Variants in PAIP2B observed in about 807,000 individuals in gnomAD.
The protein encoded by PAIP2B is polyadenylate-binding protein-interacting protein 2B.
A neutral mutation model predicts 17.0 loss-of-function variants in PAIP2B; 13 were observed. The ratio of observed to expected loss-of-function variants is 0.76; its 90% CI spans 0.50 to 1.22. PAIP2B has a LOEUF of 1.22. Among genes scored for constraint, PAIP2B ranks in the 50% most tolerant of loss-of-function variants. The pLI, the probability that PAIP2B is intolerant of heterozygous loss-of-function variation, is 0.00. For missense variants in PAIP2B, 117 were observed against 144.5 expected (o/e 0.81, Z 0.98); for synonymous variants, 43 against 48.7 (o/e 0.88, Z 0.48).
chr2:71,203,915 G>A (rs1675057334), intron 1 of PAIP2B, among the ~76,000 whole-genome samples: 1 of 151,868 alleles, frequency 6.6e-6, no homozygotes, highest in Non-Finnish European at 1.5e-5. Flanking sequence ...CCATTTTGAT[G>A]TTTTTTGCTA....
chr2:71,202,405 G>C, intron 2 of PAIP2B, 47 bp downstream of exon 2: 3 of 1,595,608 alleles, frequency 1.9e-6, no homozygotes, highest in Non-Finnish European at 2.6e-6. Context: ...TATAGCTGTT[G>C]AGTTACATGT....
At chr2:71,192,797 C>T (rs1414722049) in intron 2 of PAIP2B, among the ~76,000 whole-genome samples, 1 of 152,182 alleles carries the variant, frequency 6.6e-6, no homozygotes, top group Non-Finnish European at 1.5e-5. Context: ...CGTAATATTC[C>T]ATGGTGTATA....
In PAIP2B at chr2:71,215,938, T is replaced by C. The variant is rs1675420825; in HGVS notation, c.-12+10990A>G. Among the ~76,000 whole-genome samples, 3 of 152,346 alleles carry C rather than the reference T, an allele frequency of 2.0e-5. No homozygotes were observed. In the East Asian group the frequency reaches 5.8e-4, roughly 29 times the overall value. On this transcript the variant is annotated intron_variant, in intron 1 of 3. Coordinates refer to ENST00000244221, the MANE Select transcript of PAIP2B (RefSeq NM_020459.1). ...GCCAGGTCTTTGATTTTGGCCTTGA[T>C]TTTTCATCTTCAAATGGAGTACAAG...
intron 2 of PAIP2B, among the ~76,000 whole-genome samples, chr2:71,190,252 C>T (rs1674653988): frequency 6.6e-6 from 1 of 151,818 alleles, no homozygotes; most frequent in Non-Finnish European, 1.5e-5. Context: ...ATGACCCTGC[C>T]TCTACAAAAA....
At chr2:71,193,471 G>C (rs1674737955) in intron 2 of PAIP2B, among the ~76,000 whole-genome samples, 1 of 152,114 alleles carries the variant, frequency 6.6e-6, no homozygotes, top group Admixed American at 6.5e-5. Context: ...GGCTTTTGTT[G>C]CAATTGCTTT....
intron 1 of PAIP2B, among the ~76,000 whole-genome samples, chr2:71,207,564 C>T (rs1243367742): frequency 1.3e-5 from 2 of 151,978 alleles, no homozygotes; most frequent in African/African-American, 2.4e-5. Flanking sequence ...CTCAGGCTGC[C>T]ATGTGGAAAA....
At chr2:71,207,453 T>C (rs1385746400) in intron 1 of PAIP2B, among the ~76,000 whole-genome samples, 1 of 151,996 alleles carries the variant, frequency 6.6e-6, no homozygotes, top group African/African-American at 2.4e-5. Context: ...AGAGACCACA[T>C]GAAGGATTTT....
chr2:71,202,303 C>G, intron 2 of PAIP2B, 149 bp downstream of exon 2: 1 of 895,296 alleles, frequency 1.1e-6, no homozygotes, highest in Non-Finnish European at 1.7e-6. Flanking sequence ...GTTTCTTGGT[C>G]ATTCCAGATG....
At chr2:71,201,395 T>G (rs978532630) in intron 2 of PAIP2B, among the ~76,000 whole-genome samples, 1 of 151,938 alleles carries the variant, frequency 6.6e-6, no homozygotes, top group African/African-American at 2.4e-5. Context: ...TCTTTTTTTT[T>G]TTTTTTGAGA....
At chr2:71,202,059 G>C (rs1674998119) in intron 2 of PAIP2B, among the ~76,000 whole-genome samples, 1 of 152,232 alleles carries the variant, frequency 6.6e-6, no homozygotes, top group Non-Finnish European at 1.5e-5. Flanking sequence ...GAACAAGGCT[G>C]AGGGCAGGGA....
chr2:71,223,230 T>C (rs1039505156), intron 1 of PAIP2B, among the ~76,000 whole-genome samples: 2 of 152,028 alleles, frequency 1.3e-5, no homozygotes, highest in East Asian at 3.9e-4. Context: ...CTGGCCAACA[T>C]GGTGAAACCC....
intron 1 of PAIP2B, among the ~76,000 whole-genome samples, chr2:71,210,042 T>C (rs1314646815): frequency 1.3e-5 from 2 of 152,166 alleles, no homozygotes; most frequent in African/African-American, 2.4e-5. Flanking sequence ...GCCAGGATGG[T>C]CTCAATCTCC....
intron 2 of PAIP2B, among the ~76,000 whole-genome samples, chr2:71,201,207 AG>A (rs1288903437): frequency 6.6e-6 from 1 of 152,180 alleles, no homozygotes; most frequent in Non-Finnish European, 1.5e-5. Flanking sequence ...ACTGGGGTTA[AG>A]AGCATGTCAG....
intron 2 of PAIP2B, among the ~76,000 whole-genome samples, chr2:71,199,571 CT>C (rs58823186): frequency 0.13 from 19,121 of 145,538 alleles, 1,355 homozygotes; most frequent in South Asian, 0.3. Context: ...CAACTGCGTC[CT>C]TTTTTTTTTT....
intron 1 of PAIP2B, among the ~76,000 whole-genome samples, chr2:71,225,888 T>A (rs944526260): frequency 6.6e-6 from 1 of 152,162 alleles, no homozygotes; most frequent in South Asian, 2.1e-4. Context: ...CCTTCATAGG[T>A]TGGGTGTGAT....
intron 1 of PAIP2B, among the ~76,000 whole-genome samples, chr2:71,203,816 C>G (rs1323015973): frequency 1.3e-5 from 2 of 150,522 alleles, no homozygotes; most frequent in Non-Finnish European, 3.0e-5. Flanking sequence ...TTTTTGCCGG[C>G]CTTAAATTTT....
chr2:71,208,763 T>C (rs1317587065), intron 1 of PAIP2B, among the ~76,000 whole-genome samples: 1 of 152,004 alleles, frequency 6.6e-6, no homozygotes, highest in Admixed American at 6.6e-5. Flanking sequence ...AGAGGGAGAT[T>C]TAACACACAC....
intron 1 of PAIP2B, among the ~76,000 whole-genome samples, chr2:71,208,679 C>T (rs945014301): frequency 6.6e-6 from 1 of 152,070 alleles, no homozygotes; most frequent in Non-Finnish European, 1.5e-5. Context: ...TAATTAAGGA[C>T]CTTAAGATAA....
chr2:71,221,966 G>A (rs1350749360), intron 1 of PAIP2B, among the ~76,000 whole-genome samples: 1 of 152,222 alleles, frequency 6.6e-6, no homozygotes, highest in African/African-American at 2.4e-5. Context: ...CGGAACATGG[G>A]AGGGGACAAA....
Sources: gnomAD v4.1 joint callset for allele counts (sites outside exome capture counted in the v4.1 genomes callset) on GRCh38, gnomAD v4.1.1 for gene constraint, MANE v1.5 for transcripts, NCBI Gene and HGNC (gene_info 2026-07-23, HGNC 2026-07-21) for gene names.